Variants in PKD1L1 observed in about 807,000 individuals in gnomAD.
The protein encoded by PKD1L1 is polycystin-1-like protein 1.
A neutral mutation model predicts 323.4 loss-of-function variants in PKD1L1; 236 were observed. That is an observed-to-expected ratio of 0.73 (90% CI 0.66 to 0.81). The LOEUF is 0.81. Among genes scored for constraint, PKD1L1 ranks in the 40% least tolerant of loss-of-function variants. The pLI is 0.00. For missense variants in PKD1L1, 3,320 were observed against 3,508.0 expected (o/e 0.95, Z 1.35); for synonymous variants, 1,344 against 1,335.0 (o/e 1.01, Z -0.15).
In PKD1L1 at chr7:47,866,507, T is replaced by A; in HGVS notation, c.4004A>T (p.Lys1335Met). Residue 1335 changes from lysine to methionine, a missense_variant, in exon 25 of 57, where the codon AAG becomes ATG. Coordinates refer to ENST00000289672, the MANE Select transcript of PKD1L1 (RefSeq NM_138295.5). The stretch of plus-strand genomic sequence containing the variant: ...GTTGCAGGAGGCAGTTTTGTCCTCC[T>A]TAGACAAACGACTCAGGATTCTGGT... ...VITRILSRLS[K>M]EDKTASCNQW... The A allele has an allele frequency of 6.2e-7, 1 of 1,614,108 alleles. No individual in the cohort carries two copies. The highest frequency in any genetic ancestry group is 8.5e-7 in the Non-Finnish European group (1 of 1,179,980).
chr7:47,859,650 G>A (rs1036119149), intron 26 of PKD1L1, among the ~76,000 whole-genome samples: 5 of 134,762 alleles, frequency 3.7e-5, no homozygotes, highest in African/African-American at 1.4e-4. Flanking sequence ...TTTTTGAGAT[G>A]GAGTTTGACT....
chr7:47,918,487 T>C (rs1285852842), intron 7 of PKD1L1, among the ~76,000 whole-genome samples: 1 of 148,106 alleles, frequency 6.8e-6, no homozygotes. Flanking sequence ...AAAAAAACAA[T>C]GGATTTAAAC....
chr7:47,823,516 A>G (rs1035373148), intron 45 of PKD1L1, among the ~76,000 whole-genome samples: 1 of 152,190 alleles, frequency 6.6e-6, no homozygotes, highest in Non-Finnish European at 1.5e-5. Flanking sequence ...TGATATCAAC[A>G]TACTCTTACT....
intron 43 of PKD1L1, 52 bp from the exon 44 acceptor site, chr7:47,829,653 T>G: frequency 6.5e-7 from 1 of 1,527,534 alleles, no homozygotes; most frequent in South Asian, 1.3e-5. Flanking sequence ...CTGTGTTCAT[T>G]CCACACAGAG....
intron 7 of PKD1L1, among the ~76,000 whole-genome samples, chr7:47,928,625 C>T (rs1015148031): frequency 5.3e-5 from 8 of 152,002 alleles, no homozygotes; most frequent in African/African-American, 1.7e-4. Context: ...AAATCCTATC[C>T]GTAAGTGGAA....
intron 34 of PKD1L1, among the ~76,000 whole-genome samples, chr7:47,841,124 A>G (rs1176279126): frequency 6.6e-6 from 1 of 152,214 alleles, no homozygotes; most frequent in Non-Finnish European, 1.5e-5. Flanking sequence ...TCCTTACTCG[A>G]AAGTGTATAT....
chr7:47,774,914 C>T lies in PKD1L1; in HGVS notation c.*229G>A. 2.1e-6 allele frequency: 1 copy of T among 469,860 alleles called. No individual in the cohort carries two copies. The highest frequency in any genetic ancestry group is 3.8e-6 in the Non-Finnish European group (1 of 262,566). The allele number at this position is 469,860 out of a possible 1,614,324, so 29.1% of individuals were successfully genotyped here. ...AGAAGGCTGGAGTTAGAATCTTGTC[C>T]CACATCTGAACTCTCCGAATGGTGA... On this transcript the variant is annotated 3_prime_UTR_variant, in exon 57 of 57. Coordinates refer to ENST00000289672, the MANE Select transcript of PKD1L1 (RefSeq NM_138295.5).
intron 41 of PKD1L1, 129 bp from the exon 42 acceptor site, chr7:47,831,481 G>T: frequency 7.9e-7 from 1 of 1,272,630 alleles, no homozygotes; most frequent in Non-Finnish European, 1.1e-6. Flanking sequence ...TTGGTTAAAT[G>T]TGATTTTTGA....
intron 56 of PKD1L1, among the ~76,000 whole-genome samples, chr7:47,783,669 C>G (rs1237069589): frequency 6.6e-6 from 1 of 152,186 alleles, no homozygotes; most frequent in Non-Finnish European, 1.5e-5. Context: ...TACACTGCCA[C>G]AAGCCAAGGA....
intron 56 of PKD1L1, among the ~76,000 whole-genome samples, chr7:47,787,128 C>G (rs1052664468): frequency 6.6e-6 from 1 of 152,082 alleles, no homozygotes; most frequent in East Asian, 1.9e-4. Context: ...CTCAGATCCC[C>G]TCACACAAAA....
intron 28 of PKD1L1, among the ~76,000 whole-genome samples, chr7:47,856,969 G>A (rs980600158): frequency 2.6e-5 from 4 of 152,138 alleles, no homozygotes; most frequent in Non-Finnish European, 4.4e-5. Context: ...GTGACCCTGG[G>A]GTCATTCACA....
chr7:47,884,177 G>A (rs151042534), intron 19 of PKD1L1, among the ~76,000 whole-genome samples: 1 of 150,638 alleles, frequency 6.6e-6, no homozygotes, highest in East Asian at 1.9e-4. Context: ...TTTGGGGGTT[G>A]GGGGGAAGGC....
chr7:47,818,267 A>T, intron 46 of PKD1L1: 1 of 1,196,114 alleles, frequency 8.4e-7, no homozygotes, highest in Middle Eastern at 2.4e-4. Flanking sequence ...ACAGAGATGC[A>T]GTGAAAAGGG....
the PKD1L1 span, among the ~76,000 whole-genome samples, chr7:47,958,921 G>C: frequency 2.0e-5 from 3 of 152,146 alleles, no homozygotes; most frequent in African/African-American, 4.8e-5. Flanking sequence ...CAGCCTCCCT[G>C]CCTGATTCTC....
chr7:47,786,779 G>A (rs752986548), intron 56 of PKD1L1, among the ~76,000 whole-genome samples: 11 of 152,204 alleles, frequency 7.2e-5, no homozygotes, highest in African/African-American at 1.7e-4. Context: ...CAAGGAGCAG[G>A]GCAAGAGCTC....
At chr7:47,915,712 T>G (rs1787414152) in intron 7 of PKD1L1, 113 bp from the exon 8 acceptor site, 1 of 606,822 alleles carries the variant, frequency 1.6e-6, no homozygotes, top group Non-Finnish European at 2.7e-6. Context: ...TAATGAAAAT[T>G]TACCCAACCA....
At chr7:47,877,017 C>T (rs1435034579) in intron 22 of PKD1L1, among the ~76,000 whole-genome samples, 1 of 151,948 alleles carries the variant, frequency 6.6e-6, no homozygotes, top group Non-Finnish European at 1.5e-5. Flanking sequence ...CTTTTTAAAT[C>T]CATCCTCTCA....
At chr7:47,932,849 C>T (rs1583685443) in intron 4 of PKD1L1, among the ~76,000 whole-genome samples, 1 of 152,208 alleles carries the variant, frequency 6.6e-6, no homozygotes, top group Non-Finnish European at 1.5e-5. Flanking sequence ...ATTTCCAATG[C>T]CTGCAGCCAA....
At chr7:47,815,552 C>A (rs1784998818) in intron 46 of PKD1L1, 95 bp from the exon 47 acceptor site, 7 of 1,416,286 alleles carry the variant, frequency 4.9e-6, no homozygotes, top group Non-Finnish European at 6.8e-6. Flanking sequence ...ATTTTTCTCT[C>A]ATTCAGATTT....
Sources: gnomAD v4.1 joint callset for allele counts (sites outside exome capture counted in the v4.1 genomes callset) on GRCh38, gnomAD v4.1.1 for gene constraint, MANE v1.5 for transcripts, NCBI Gene and HGNC (gene_info 2026-07-23, HGNC 2026-07-21) for gene names.